OC90: variants seen among roughly 807,000 people sequenced by gnomAD.
The protein encoded by OC90 is otoconin-90.
In OC90, 46 loss-of-function variants were observed where a neutral mutation model predicts 47.3. The ratio of observed to expected loss-of-function variants is 0.97; its 90% CI spans 0.77 to 1.24. The LOEUF (loss-of-function observed/expected upper bound fraction) is 1.24, where lower values mean the gene tolerates loss of function less well. Ranked by LOEUF, OC90 falls within the 50% of genes most tolerant of loss-of-function variation. The probability of loss-of-function intolerance (pLI) is 0.00; values close to 1 mark genes in which losing one functional copy is unlikely to be tolerated. For synonymous variants in OC90, 271 were observed against 219.5 expected (o/e 1.23, Z -2.07); for missense variants, 688 against 583.9 (o/e 1.18, Z -1.84).
chr8:132,038,715 G>C, intron 8 of OC90, 75 bp downstream of exon 8: 2 of 1,150,044 alleles, frequency 1.7e-6, no homozygotes, highest in South Asian at 2.5e-5. Flanking sequence ...GCCTGGTGGA[G>C]GAGGTGTATC....
At chr8:132,045,728 C>T (rs987093073) in intron 3 of OC90, 90 bp downstream of exon 3, 1 of 746,498 alleles carries the variant, frequency 1.3e-6, no homozygotes, top group Non-Finnish European at 2.4e-6. Context: ...GTGAGTGGCT[C>T]TAGGGTGTAT....
At position 132,031,917 on chromosome 8, in the gene OC90, T is replaced by C. The variant is rs1272536663; in HGVS notation, c.995A>G (p.Gln332Arg). 1.9e-6 allele frequency: 3 copies of C among 1,614,020 alleles called. No individual in the cohort carries two copies. Among genetic ancestry groups the C allele is most frequent in the Non-Finnish European group, 1.7e-6 (2 of 1,179,870 alleles). Residue 332 changes from glutamine to arginine, a missense_variant, in exon 12 of 14, where the codon CAA becomes CGA. Physicochemically the swap from Gln to Arg is conservative, Grantham distance 43. Coordinates refer to ENST00000254627, the MANE Select transcript of OC90 (RefSeq NM_001080399.3). ...EFESYGCYCG[Q>R]EGRGEPRDDL... ...ATCCCTTGGCTCGCCTCTTCCTTCTTGTCCACAGTAACAGCCATAAGACTC... is the reference window on the plus strand; with the variant it reads ...ATCCCTTGGCTCGCCTCTTCCTTCTCGTCCACAGTAACAGCCATAAGACTC...
At chr8:132,035,038 C>T (rs1420444677) in intron 9 of OC90, among the ~76,000 whole-genome samples, 1 of 152,226 alleles carries the variant, frequency 6.6e-6, no homozygotes, top group Admixed American at 6.5e-5. Context: ...CAGAAAAACG[C>T]TTGCTGGCAA....
At chr8:132,046,102 C>G (rs907692411) in intron 2 of OC90, among the ~76,000 whole-genome samples, 2 of 152,090 alleles carry the variant, frequency 1.3e-5, no homozygotes, top group Non-Finnish European at 1.5e-5. Context: ...TACTGGTAAG[C>G]CTTAACAGTG....
At chr8:132,028,650 GGA>G (rs2130850448) in intron 13 of OC90, among the ~76,000 whole-genome samples, 1 of 103,268 alleles carries the variant, frequency 9.7e-6, no homozygotes, top group African/African-American at 3.6e-5. Context: ...AAGGAAGGAA[GGA>G]AGAAAGAAAG....
intron 13 of OC90, among the ~76,000 whole-genome samples, chr8:132,028,075 G>A (rs533381491): frequency 1.7e-4 from 26 of 152,314 alleles, no homozygotes; most frequent in South Asian, 8.3e-4. Flanking sequence ...ATTAAGAGCT[G>A]AGAATCAGTA....
intron 1 of OC90, among the ~76,000 whole-genome samples, chr8:132,055,299 C>T (rs1823266982): frequency 6.6e-6 from 1 of 152,186 alleles, no homozygotes; most frequent in Admixed American, 6.5e-5. Flanking sequence ...GGAAATGTAG[C>T]CATGAGCTCC....
chr8:132,032,894 AG>A, intron 11 of OC90, 144 bp downstream of exon 11: 5 of 912,678 alleles, frequency 5.5e-6, no homozygotes, highest in Non-Finnish European at 8.0e-6. Flanking sequence ...CTGAGCCTCA[AG>A]GTGCTCATGC....
rs1043237171 is a variant in OC90 at position 132,029,033 on chromosome 8, C to T, written c.1138+40G>A. The T allele has an allele frequency of 5.7e-6, 8 of 1,397,676 alleles. 1 individual carries two copies. The highest frequency in any genetic ancestry group is 2.3e-5 in the East Asian group (1 of 43,924). The allele number at this position is 1,397,676 out of a possible 1,614,324, so 86.6% of individuals were successfully genotyped here. A position where few individuals can be genotyped will look rare whatever the true frequency, so the allele number is the denominator to read the frequency against. On this transcript the variant is annotated intron_variant, in intron 13 of 13. Transcript: ENST00000254627. The stretch of plus-strand genomic sequence containing the variant: ...TGAGCTACAGTCACGATGCTGACCT[C>T]AATGAAATAATAACTCAATGTGCAA...
chr8:132,046,422 T>C (rs968905933), intron 2 of OC90, among the ~76,000 whole-genome samples: 1 of 152,134 alleles, frequency 6.6e-6, no homozygotes, highest in Non-Finnish European at 1.5e-5. Context: ...TTTAGCAAGC[T>C]CCCCAACTAG....
intron 2 of OC90, among the ~76,000 whole-genome samples, chr8:132,052,852 C>A (rs1027906448): frequency 6.6e-6 from 1 of 152,220 alleles, no homozygotes; most frequent in Non-Finnish European, 1.5e-5. Flanking sequence ...CACATTCTGT[C>A]ATTACCATCT....
At chr8:132,028,855 GAGGA>G (rs750349507) in intron 13 of OC90, among the ~76,000 whole-genome samples, 59 of 134,114 alleles carry the variant, frequency 4.4e-4, no homozygotes, top group African/African-American at 1.3e-3. Context: ...AAGAAGGAAA[GAGGA>G]AGGAAGGAAG....
intron 9 of OC90, among the ~76,000 whole-genome samples, chr8:132,035,772 C>G (rs944441044): frequency 1.3e-5 from 2 of 152,120 alleles, no homozygotes; most frequent in African/African-American, 2.4e-5. Context: ...GCTGAACTAC[C>G]CTGGGCAAAT....
chr8:132,039,247 A>C, intron 6 of OC90, 124 bp from the exon 7 acceptor site: 61 of 997,896 alleles, frequency 6.1e-5, no homozygotes, highest in East Asian at 7.9e-5. Flanking sequence ...TGCAATCTCC[A>C]TCTCATTCAT....
At chr8:132,038,360 A>G (rs927960479) in intron 8 of OC90, among the ~76,000 whole-genome samples, 1 of 152,062 alleles carries the variant, frequency 6.6e-6, no homozygotes, top group African/African-American at 2.4e-5. Context: ...GAGAAAGGGG[A>G]GGAAGGGAGA....
At chr8:132,032,494 C>T (rs1415620610) in intron 11 of OC90, among the ~76,000 whole-genome samples, 2 of 152,144 alleles carry the variant, frequency 1.3e-5, no homozygotes, top group Non-Finnish European at 1.5e-5. Flanking sequence ...CCCTCTCTTT[C>T]TCTGTCTCTA....
In OC90 at chr8:132,030,814, A is replaced by T. The variant is rs577509788; in HGVS notation, c.1031+1067T>A. Among the ~76,000 whole-genome samples the T allele has an allele frequency of 2.6e-5, 4 of 152,348 alleles. No individual in the cohort carries two copies. In the South Asian group the frequency reaches 6.2e-4, roughly 24 times the overall value. ...AATGAAGCCGGGATGGCTGACAGGT[A>T]GAGGCAGGGGAAAGAAAGTGGATGG... On this transcript the variant is annotated intron_variant, in intron 12 of 13. Coordinates refer to ENST00000254627, the MANE Select transcript of OC90 (RefSeq NM_001080399.3).
At chr8:132,035,517 T>C (rs1024378266) in intron 9 of OC90, among the ~76,000 whole-genome samples, 1 of 152,216 alleles carries the variant, frequency 6.6e-6, no homozygotes, top group Non-Finnish European at 1.5e-5. Flanking sequence ...CACTTCTGGC[T>C]GTGCCACACG....
In OC90 at chr8:132,030,324, T is replaced by G. The variant is rs185477069; in HGVS notation, c.1032-1145A>C. Reference sequence around the variant, plus strand: ...TATAAAAAAATTATATCAGTTTGACTAACTTTTCCTTAGTGAAGAGTTTTC... The same window carrying G: ...TATAAAAAAATTATATCAGTTTGACGAACTTTTCCTTAGTGAAGAGTTTTC... On this transcript the variant is annotated intron_variant, in intron 12 of 13. Transcript: ENST00000254627. Among the ~76,000 whole-genome samples, 3 of 152,370 alleles carry G rather than the reference T, an allele frequency of 2.0e-5. No homozygotes were observed. The East Asian group carries it at 5.8e-4, about 29-fold the overall frequency.
Sources: allele counts gnomAD v4.1 joint callset (sites outside exome capture counted in the v4.1 genomes callset), GRCh38; gene constraint gnomAD v4.1.1; transcripts MANE v1.5; gene names NCBI Gene and HGNC (gene_info 2026-07-23, HGNC 2026-07-21).